KIF1A: variants seen among roughly 807,000 people sequenced by gnomAD.
KIF1A encodes kinesin family member 1A.
Under a neutral mutation model 227.3 loss-of-function variants are expected in KIF1A, and 46 were observed. That is an observed-to-expected ratio of 0.20 (90% CI 0.16 to 0.26). KIF1A has a LOEUF of 0.26. KIF1A is among the 10% of genes least tolerant of loss of function. KIF1A has a pLI of 1.00. For missense variants in KIF1A, 1,683 were observed against 2,485.9 expected, an observed-to-expected ratio of 0.68 and a Z score of 6.87; for synonymous variants, 1,022 against 1,012.8, an observed-to-expected ratio of 1.01 and a Z score of -0.17.
chr2:240,784,821 G>A (rs868753881), intron 7 of KIF1A, among the ~76,000 whole-genome samples, 168 bp downstream of exon 7: 3 of 151,762 alleles, frequency 2.0e-5, no homozygotes, highest in Non-Finnish European at 4.4e-5. Flanking sequence ...TGGGGCGGGG[G>A]GGGGGACGTC....
Position 240,763,019 on chromosome 2 carries a change from C to T in KIF1A, c.2022G>A (p.Leu674=). ...GGGAGGGCGGGGCCACGTCACTCAC[C>T]AGCCGCTGCTGCTCCAGCAGGTAGG... ...EATYLLEQQR[L]DYESKLEALQ... is the part of the protein sequence containing the mutation. The change falls in exon 22 of 49, where the codon CTG becomes CTA. Residue 674 remains leucine (L), a splice_region_variant and synonymous_variant. Coordinates refer to ENST00000498729, the MANE Select transcript of KIF1A (RefSeq NM_001244008.2). 1 of 1,499,358 alleles carries T rather than the reference C, an allele frequency of 6.7e-7. No individual in the cohort carries two copies. The allele number at this position is 1,499,358 out of a possible 1,614,324, so 92.9% of individuals were successfully genotyped here.
rs752989472 is a variant in KIF1A at position 240,787,286 on chromosome 2, C to T, written c.394G>A (p.Asp132Asn). 2 of 1,613,266 alleles carry T rather than the reference C, an allele frequency of 1.2e-6. No individual in the cohort carries two copies. Among genetic ancestry groups the T allele is most frequent in the East Asian group, 2.2e-5 (1 of 44,876 alleles). ...TAGGACATGTTGTCGTTGGTCGTGT[C>T]GTTGATCCGAGAGAAGAGGTCCTCG... ...LCEDLFSRIN[D>N]TTNDNMSYSV... Residue 132 changes from aspartate (D) to asparagine (N), a missense_variant, in exon 5 of 49, where the codon GAC becomes AAC. By Grantham distance (23) the Asp-to-Asn change is conservative. Around this residue, in one of 12 missense-constraint regions of KIF1A, gnomAD observed 75 missense variants for 131.2 expected, o/e 0.57. Coordinates refer to ENST00000498729, the MANE Select transcript of KIF1A (RefSeq NM_001244008.2).
chr2:240,721,906 G>A, intron 43 of KIF1A, 22 bp from the exon 44 acceptor site: 1 of 1,588,700 alleles, frequency 6.3e-7, no homozygotes, highest in Non-Finnish European at 8.5e-7. Context: ...GCACACGCGT[G>A]GTCAGGGGCC....
At position 240,792,503 on chromosome 2, in the gene KIF1A, G is replaced by A. The variant is rs976406517; in HGVS notation, c.107-3191C>T. ...ATGGGCCTGCAAAGGACTGGACACC[G>A]AGACGACAGAGACAGCGGGGGGAGG... On this transcript the variant is annotated intron_variant, in intron 2 of 48. Coordinates refer to ENST00000498729, the MANE Select transcript of KIF1A (RefSeq NM_001244008.2). This position sits in a 1 kb window ranked among gnomAD's most constrained non-coding sequence, Gnocchi z 4.5. Among the ~76,000 whole-genome samples the A allele has an allele frequency of 1.3e-5, 2 of 151,992 alleles. No homozygotes were observed. The highest frequency in any genetic ancestry group is 1.9e-4 in the East Asian group (1 of 5,172).
At position 240,721,831 on chromosome 2, in the gene KIF1A, G is replaced by T; in HGVS notation, c.4719C>A (p.Val1573=). Reference sequence around the variant, plus strand: ...CCTTGCTCTCGCTGGCACTGACGCAGACGTGGCTGTGTGTGTACTCTCTGT... The same window carrying T: ...CCTTGCTCTCGCTGGCACTGACGCATACGTGGCTGTGTGTGTACTCTCTGT... ...TFNREYTHSH[V]CVSASESKLS... is the part of the protein sequence containing the mutation. The change falls in exon 44 of 49, where the codon GTC becomes GTA. Residue 1573 remains valine (V), a synonymous_variant. Transcript: ENST00000498729. The T allele has an allele frequency of 6.2e-7, 1 of 1,607,068 alleles. No homozygotes were observed.
In KIF1A at chr2:240,757,896, C is replaced by T. The variant is rs959755071; in HGVS notation, c.2583-302G>A. On this transcript the variant is annotated intron_variant, in intron 26 of 48. Transcript: ENST00000498729. The surrounding 1 kb of genome is among the most constrained non-coding windows in gnomAD (Gnocchi z 6.2). ...TATGAGGACCTCGAGAGTTTGGCCA[C>T]GTTGAGGCCTCAGAATACCACGGTC... Among the ~76,000 whole-genome samples the T allele has an allele frequency of 1.1e-4, 16 of 152,150 alleles. No homozygotes were observed. Among genetic ancestry groups the T allele is most frequent in the Admixed American group, 3.9e-4 (6 of 15,284 alleles).
intron 5 of KIF1A, among the ~76,000 whole-genome samples, 188 bp from the exon 6 acceptor site, chr2:240,786,701 A>G (rs1437896214): frequency 2.0e-4 from 21 of 106,928 alleles, no homozygotes; most frequent in African/African-American, 5.2e-4. Flanking sequence ...GATGGGAGCC[A>G]GCATCAGGAC....
chr2:240,762,731 G>T lies in KIF1A; in HGVS notation c.2104C>A (p.Pro702Thr). The T allele has an allele frequency of 1.3e-6, 2 of 1,591,312 alleles. No homozygotes were observed. The highest frequency in any genetic ancestry group is 1.7e-6 in the Non-Finnish European group (2 of 1,163,146). ...YPEVNEEEEE[P>T]EDEVQWTERE... ...AGTGACCCCTCACCTTCATCCTCGGGCTCCTCCTCCTCCTCGTTCACCTCC... is the reference window on the plus strand; with the variant it reads ...AGTGACCCCTCACCTTCATCCTCGGTCTCCTCCTCCTCCTCGTTCACCTCC... Residue 702 changes from proline to threonine, a missense_variant, in exon 23 of 49, where the codon CCC becomes ACC. Physicochemically the swap from Pro to Thr is conservative, Grantham distance 38. Coordinates refer to ENST00000498729, the MANE Select transcript of KIF1A (RefSeq NM_001244008.2).
chr2:240,749,601 C>T (rs767584359), intron 28 of KIF1A, among the ~76,000 whole-genome samples: 91 of 152,256 alleles, frequency 6.0e-4, no homozygotes, highest in African/African-American at 1.3e-3. Context: ...CCTTCCCTCA[C>T]GGCACAAGCC....
chr2:240,746,367 G>C (rs897456913), intron 29 of KIF1A, among the ~76,000 whole-genome samples, 190 bp from the exon 30 acceptor site: 1 of 152,218 alleles, frequency 6.6e-6, no homozygotes, highest in African/African-American at 2.4e-5. Context: ...AGTTTTCCCT[G>C]CTGTGGATGT....
At chr2:240,746,775 T>C (rs1201410818) in intron 29 of KIF1A, among the ~76,000 whole-genome samples, 2 of 152,196 alleles carry the variant, frequency 1.3e-5, no homozygotes, top group African/African-American at 2.4e-5. Flanking sequence ...CAGGTGCCAC[T>C]GGACACAGCG....
intron 25 of KIF1A, among the ~76,000 whole-genome samples, chr2:240,759,523 G>A (rs1397534035): frequency 6.6e-6 from 1 of 152,138 alleles, no homozygotes; most frequent in Non-Finnish European, 1.5e-5. Context: ...TCCCTGCTCT[G>A]CCTGGCCTTT....
rs2044647009 is a variant in KIF1A, at chr2:240,716,987, A to C, written c.*377T>G. On this transcript the variant is annotated 3_prime_UTR_variant, in exon 49 of 49. Coordinates refer to ENST00000498729, the MANE Select transcript of KIF1A (RefSeq NM_001244008.2). Reference sequence around the variant, plus strand: ...AGAAATAAATACTTATAAATAGAACAAGTCTTATAGTTAATTTCCGAGTTG... The same window carrying C: ...AGAAATAAATACTTATAAATAGAACCAGTCTTATAGTTAATTTCCGAGTTG... The C allele has an allele frequency of 4.6e-6, 1 of 216,338 alleles. No individual in the cohort carries two copies. Among genetic ancestry groups the C allele is most frequent in the Non-Finnish European group, 9.1e-6 (1 of 109,790 alleles). The allele number at this position is 216,338 out of a possible 1,614,324, so 13.4% of individuals were successfully genotyped here.
chr2:240,794,946 G>A (rs144799985), intron 2 of KIF1A, among the ~76,000 whole-genome samples: 154 of 152,344 alleles, frequency 1.0e-3, no homozygotes, highest in African/African-American at 3.2e-3. Flanking sequence ...CATTCCAGGT[G>A]TCCTGGAGGA....
intron 29 of KIF1A, among the ~76,000 whole-genome samples, chr2:240,746,978 C>A (rs571951638): frequency 6.6e-6 from 1 of 152,316 alleles, no homozygotes; most frequent in Non-Finnish European, 1.5e-5. Context: ...TGTTGTCCAC[C>A]TGCTCTGCGC....
chr2:240,770,580 A>T (rs565202404), intron 15 of KIF1A, among the ~76,000 whole-genome samples: 3 of 152,126 alleles, frequency 2.0e-5, no homozygotes, highest in Non-Finnish European at 4.4e-5. Context: ...ACAAGCACCC[A>T]CTCACACAAT....
intron 10 of KIF1A, 57 bp downstream of exon 10, chr2:240,782,533 G>A: frequency 1.3e-6 from 2 of 1,538,554 alleles, no homozygotes; most frequent in South Asian, 1.2e-5. Context: ...GCCAATGCAG[G>A]GCAGACACCG....
Position 240,790,796 on chromosome 2 carries a change from C to T in KIF1A, c.107-1484G>A, listed in dbSNP as rs951710325. Among the ~76,000 whole-genome samples, 1 of 152,094 alleles carries T rather than the reference C, an allele frequency of 6.6e-6. No homozygotes were observed. On this transcript the variant is annotated intron_variant, in intron 2 of 48. Transcript: ENST00000498729. This position sits in a 1 kb window ranked among gnomAD's most constrained non-coding sequence, Gnocchi z 5.0. ...AGGAACACCAGAAGCAGCCGGCAAG[C>T]CCCAGAAGCTGGAGGGCCTGGACAG... is the stretch of plus-strand genomic sequence containing the variant.
At chr2:240,754,636 G>A (rs2049616236) in intron 27 of KIF1A, among the ~76,000 whole-genome samples, 2 of 152,350 alleles carry the variant, frequency 1.3e-5, no homozygotes, top group African/African-American at 4.8e-5. Context: ...GGTCTCACAT[G>A]CTGGGCAGGC....
Sources: allele counts gnomAD v4.1 joint callset (sites outside exome capture counted in the v4.1 genomes callset), GRCh38; gene constraint gnomAD v4.1.1; regional missense constraint gnomAD v4.1.1; non-coding constraint Gnocchi (gnomAD v3.1); transcripts MANE v1.5; gene names NCBI Gene and HGNC (gene_info 2026-07-23, HGNC 2026-07-21).